The following SYNE1 variants were observed in gnomAD, a reference collection of about 807,000 sequenced individuals.
SYNE1 encodes nesprin-1.
A neutral mutation model predicts 1,111.0 loss-of-function variants in SYNE1; 616 were observed. That is an observed-to-expected ratio of 0.55 (90% CI 0.52 to 0.59). The LOEUF (loss-of-function observed/expected upper bound fraction) is 0.59. Ranked by LOEUF, SYNE1 falls within the 20% of genes least tolerant of loss-of-function variation. SYNE1 has a pLI of 0.00. For missense variants in SYNE1, 10,006 were observed against 10,417.0 expected, an observed-to-expected ratio of 0.96 and a Z score of 1.72; for synonymous variants, 3,855 against 3,825.8, an observed-to-expected ratio of 1.01 and a Z score of -0.28.
Position 152,381,121 on chromosome 6 carries a change from AG to A in SYNE1, c.8893del (p.Leu2965TrpfsTer12). 1 of 1,614,162 alleles carries A rather than the reference AG, an allele frequency of 6.2e-7. No homozygotes were observed. The highest frequency in any genetic ancestry group is 8.5e-7 in the Non-Finnish European group (1 of 1,180,028). ...ACTGAACTGTTCCAGGGCCTGCTCC[AG>A]TTGAGCCACTTGGCCTGAGAATTCC... Reference protein sequence around the residue: ...EQEFSGQVAQLEQALEQFSAL... With the variant: ...EQEFSGQVAQXEQALEQFSAL... On this transcript the variant is annotated frameshift_variant, in exon 56 of 146. Transcript: ENST00000367255. LOFTEE classifies it high-confidence loss of function.
At chr6:152,430,431 C>A (rs80225287) in intron 35 of SYNE1, 51 bp downstream of exon 35, 1 of 1,513,652 alleles carries the variant, frequency 6.6e-7, no homozygotes, top group East Asian at 2.3e-5. Flanking sequence ...CACTTACCCA[C>A]AAATACAATG....
chr6:152,142,154 A>G (rs1331866813), intron 138 of SYNE1, among the ~76,000 whole-genome samples: 2 of 152,200 alleles, frequency 1.3e-5, no homozygotes. Context: ...ACAAAAAACA[A>G]TGCCTTAAAG....
chr6:152,559,221 A>T (rs2099386528), intron 3 of SYNE1, among the ~76,000 whole-genome samples: 1 of 152,076 alleles, frequency 6.6e-6, no homozygotes, highest in Non-Finnish European at 1.5e-5. Flanking sequence ...CAGCCTCCTG[A>T]GTAGCTGCTG....
chr6:152,472,832 T>G (rs1457673384), intron 14 of SYNE1, among the ~76,000 whole-genome samples: 1 of 152,260 alleles, frequency 6.6e-6, no homozygotes, highest in Non-Finnish European at 1.5e-5. Flanking sequence ...GGCTTTCTAC[T>G]GTTATTTTAC....
Position 152,359,343 on chromosome 6 carries a change from C to G in SYNE1, c.10415G>C (p.Arg3472Pro), listed in dbSNP as rs1255278240. 1 of 1,614,114 alleles carries G rather than the reference C, an allele frequency of 6.2e-7. No individual in the cohort carries two copies. ...TQLELQDLQERYRAIQERAKE... is the reference protein window; with the variant it reads ...TQLELQDLQEPYRAIQERAKE... ...GGCCCTCTCTTGGATGGCTCTGTAT[C>G]GTTCCTGTAGATCCTGGAGTTCTAG... The change falls in exon 65 of 146, where the codon CGA becomes CCA. Residue 3472 changes from arginine to proline, a missense_variant. Around this residue, in one of 7 missense-constraint regions of SYNE1, gnomAD observed 4,955 missense variants for 5,017.2 expected, o/e 0.99. Transcript: ENST00000367255.
At chr6:152,362,100 T>G (rs1391569760) in intron 64 of SYNE1, 70 bp downstream of exon 64, 1 of 1,611,276 alleles carries the variant, frequency 6.2e-7, no homozygotes, top group Non-Finnish European at 8.5e-7. Context: ...CGTAATCCCA[T>G]TTTTGTCTGA....
At chr6:152,265,641 T>C (rs944530568) in intron 100 of SYNE1, among the ~76,000 whole-genome samples, 1 of 152,194 alleles carries the variant, frequency 6.6e-6, no homozygotes, top group African/African-American at 2.4e-5. Flanking sequence ...ATTTAATCAT[T>C]GACACACGTA....
At chr6:152,347,972 G>T (rs1166167701) in intron 72 of SYNE1, among the ~76,000 whole-genome samples, 4 of 151,766 alleles carry the variant, frequency 2.6e-5, no homozygotes, top group African/African-American at 9.7e-5. Flanking sequence ...TTACAAGTGT[G>T]AGCCACCACG....
intron 51 of SYNE1, among the ~76,000 whole-genome samples, chr6:152,394,584 C>A (rs1387469251): frequency 6.6e-6 from 1 of 151,538 alleles, no homozygotes; most frequent in Non-Finnish European, 1.5e-5. Context: ...GGGAAAGGAG[C>A]CAGAAACGTT....
At chr6:152,244,150 C>T (rs1021535676) in intron 106 of SYNE1, among the ~76,000 whole-genome samples, 3 of 152,060 alleles carry the variant, frequency 2.0e-5, no homozygotes, top group Admixed American at 1.3e-4. Flanking sequence ...TGATTATTTG[C>T]TTTTTAAAAT....
intron 140 of SYNE1, among the ~76,000 whole-genome samples, chr6:152,138,282 G>A (rs749919358): frequency 4.0e-4 from 61 of 151,862 alleles, no homozygotes; most frequent in African/African-American, 9.2e-4. Flanking sequence ...AGGCCGAGGC[G>A]GGCGGATCAC....
chr6:152,231,627 GT>G, intron 113 of SYNE1, 60 bp from the exon 114 acceptor site: 6 of 1,549,428 alleles, frequency 3.9e-6, no homozygotes, highest in Non-Finnish European at 5.3e-6. Flanking sequence ...TTTTCCAGGA[GT>G]TGGAAAGCCT....
In SYNE1 at chr6:152,416,507, G is replaced by A. The variant is rs767505550; in HGVS notation, c.5930C>T (p.Ala1977Val). 6.2e-7 allele frequency: 1 copy of A among 1,613,920 alleles called. No homozygotes were observed. Among genetic ancestry groups the A allele is most frequent in the East Asian group, 2.2e-5 (1 of 44,858 alleles). Residue 1977 changes from alanine to valine, a missense_variant, in exon 41 of 146, where the codon GCA (alanine) becomes GTA (valine). Physicochemically the swap from Ala to Val is moderately conservative, Grantham distance 64. Coordinates refer to ENST00000367255, the MANE Select transcript of SYNE1 (RefSeq NM_182961.4). ...GTKQSEADAL[A>V]VLKKAFQDQK... ...GTCTTGGAATGCTTTTTTCAACACT[G>A]CCAGAGCATCTGCCTCACTCTGCTT... is the stretch of plus-strand genomic sequence containing the variant.
chr6:152,315,488 C>T (rs891528630), intron 87 of SYNE1: 2 of 152,212 alleles, frequency 1.3e-5, no homozygotes, highest in Non-Finnish European at 1.5e-5. Flanking sequence ...GTGTGAGCCA[C>T]CGCACGTGGC....
In SYNE1 at chr6:152,384,346, C is replaced by T. The variant is rs578134661; in HGVS notation, c.8652+1328G>A. On this transcript the variant is annotated intron_variant, in intron 55 of 145. Coordinates refer to ENST00000367255, the MANE Select transcript of SYNE1 (RefSeq NM_182961.4). ...TTGTGGATCGCTGTTCCTCACTAGA[C>T]TGCAAGTTCCTTAGGGAATGCACAG... is the stretch of plus-strand genomic sequence containing the variant. 4.1e-4 allele frequency among the ~76,000 whole-genome samples: 62 copies of T among 152,262 alleles called. 1 individual carries two copies. The South Asian group carries it at 5.2e-3, about 13-fold the overall frequency.
At chr6:152,166,054 A>T (rs11965522) in intron 130 of SYNE1, among the ~76,000 whole-genome samples, 16,235 of 152,244 alleles carry the variant, frequency 0.11, 932 homozygotes, top group African/African-American at 0.16. Context: ...CTCCTGCATG[A>T]CTTCAGATTT....
At position 152,141,194 on chromosome 6, in the gene SYNE1, C is replaced by T. The variant is rs995530864; in HGVS notation, c.25246+9G>A. 1.2e-5 allele frequency: 19 copies of T among 1,613,970 alleles called. No individual in the cohort carries two copies. In the South Asian group the frequency reaches 1.3e-4, roughly 11 times the overall value. On this transcript the variant is annotated intron_variant, in intron 139 of 145. Transcript: ENST00000367255. Reference sequence around the variant, plus strand: ...TCATTCACTCTTGAACTGGATGCTACGCACTCACCAGCCGTTTGGGTTTCG... The same window carrying T: ...TCATTCACTCTTGAACTGGATGCTATGCACTCACCAGCCGTTTGGGTTTCG...
At chr6:152,256,511 T>G (rs1452519964) in intron 102 of SYNE1, 123 bp downstream of exon 102, 2 of 1,193,652 alleles carry the variant, frequency 1.7e-6, no homozygotes, top group African/African-American at 3.0e-5. Context: ...TCAGCGCTTA[T>G]CACTAGTGTT....
chr6:152,484,642 G>A (rs2098929862), intron 13 of SYNE1, among the ~76,000 whole-genome samples, 193 bp downstream of exon 13: 2 of 152,308 alleles, frequency 1.3e-5, no homozygotes, highest in South Asian at 4.1e-4. Flanking sequence ...GAAAATAGCT[G>A]TTAAACCAAA....
Sources: allele counts gnomAD v4.1 joint callset (sites outside exome capture counted in the v4.1 genomes callset), GRCh38; gene constraint gnomAD v4.1.1; regional missense constraint gnomAD v4.1.1; transcripts MANE v1.5; gene names NCBI Gene and HGNC (gene_info 2026-07-23, HGNC 2026-07-21).